Variants in KRT2 observed in about 807,000 individuals in gnomAD.
The protein encoded by KRT2 is keratin, type II cytoskeletal 2 epidermal.
A neutral mutation model predicts 48.5 loss-of-function variants in KRT2; 37 were observed. The observed-to-expected ratio is 0.76, with a 90% CI of 0.59 to 1.00. The LOEUF (loss-of-function observed/expected upper bound fraction) is 1.00. Among genes scored for constraint, KRT2 ranks in the 50% least tolerant of loss-of-function variants. The pLI is 0.00. For missense variants in KRT2, 880 were observed against 815.2 expected (o/e 1.08, Z -0.97); for synonymous variants, 324 against 312.2 (o/e 1.04, Z -0.40).
In KRT2 at chr12:52,646,804, C is replaced by A. The variant is rs200777244; in HGVS notation, c.1405G>T (p.Val469Leu). ...ATCTCCACATCTAGGGCCAGCTTCA[C>A]GTTCATCAGCTCCTGGTAGTCACGC... ...LLRDYQELMN[V>L]KLALDVEIAT... The change falls in exon 7 of 9, where the codon GTG becomes TTG. Residue 469 changes from valine to leucine, a missense_variant. Transcript: ENST00000309680. 45 of 1,614,162 alleles carry A rather than the reference C, an allele frequency of 2.8e-5. No individual in the cohort carries two copies. The East Asian group carries it at 9.1e-4, about 33-fold the overall frequency.
intron 4 of KRT2, among the ~76,000 whole-genome samples, chr12:52,648,625 C>G (rs1434716501): frequency 6.6e-6 from 1 of 152,168 alleles, no homozygotes; most frequent in Non-Finnish European, 1.5e-5. Context: ...CTTAAATGGA[C>G]TTCCTGTTTC....
chr12:52,650,215 A>G, intron 2 of KRT2, 124 bp downstream of exon 2: 1 of 893,248 alleles, frequency 1.1e-6, no homozygotes, highest in Non-Finnish European at 1.9e-6. Context: ...TAATCAACAA[A>G]GATACATATG....
rs778051806 is a variant in KRT2 at position 52,652,114 on chromosome 12, C to T, written c.29G>A (p.Arg10Gln). The stretch of plus-strand genomic sequence containing the variant: ...TCCTCCTCCACCTCCTCCTCTTCCT[C>T]GAGATTTGCAAGAGATCTGACAACT... MSCQISCKSRGRGGGGGGFR... is the reference protein window; with the variant it reads MSCQISCKSQGRGGGGGGFR... Residue 10 changes from arginine to glutamine, a missense_variant, in exon 1 of 9, where the codon CGA becomes CAA. By Grantham distance (43) the Arg-to-Gln change is conservative (BLOSUM62 1). Transcript: ENST00000309680. The T allele has an allele frequency of 3.2e-6, 5 of 1,564,418 alleles. No homozygotes were observed. The highest frequency in any genetic ancestry group is 2.3e-5 in the South Asian group (2 of 86,668).
chr12:52,645,430 C>T lies in KRT2; in HGVS notation c.1509G>A (p.Val503=), dbSNP rs751821115. 9 of 1,614,196 alleles carry T rather than the reference C, an allele frequency of 5.6e-6. No individual in the cohort carries two copies. The Admixed American group carries it at 1.5e-4, about 27-fold the overall frequency. Residue 503 remains valine, a synonymous_variant, in exon 9 of 9, where the codon GTG becomes GTA. Coordinates refer to ENST00000309680, the MANE Select transcript of KRT2 (RefSeq NM_000423.3). ...GDLSSNVTVS[V]TSSTISSNVA... ...CATTTGATGAAATGGTGCTGCTTGT[C>T]ACAGCTGCAGAGAGAGGTGGTGTTA...
rs751918626 is a variant in KRT2 at position 52,649,907 on chromosome 12, C to T, written c.861+7G>A. ...CCCACCCCCAGCCAAGACATTCTCT[C>T]GCTCACCTTTTTAAGCGTCACAAAA... On this transcript the variant is annotated splice_region_variant and intron_variant, in intron 3 of 8. Coordinates refer to ENST00000309680, the MANE Select transcript of KRT2 (RefSeq NM_000423.3). 21 of 1,611,270 alleles carry T rather than the reference C, an allele frequency of 1.3e-5. No individual in the cohort carries two copies. The highest frequency in any genetic ancestry group is 3.3e-4 in the Middle Eastern group (2 of 6,078).
intron 1 of KRT2, chr12:52,650,777 C>G (rs112988962): frequency 6.3e-5 from 37 of 590,538 alleles, no homozygotes; most frequent in African/African-American, 4.8e-4. Flanking sequence ...AGAGGAGACT[C>G]TTTGCTGCTT....
rs566354092 is a variant in KRT2, at chr12:52,645,577, G to T, written c.1470-8C>A. 3.8e-5 allele frequency: 61 copies of T among 1,613,888 alleles called. No homozygotes were observed. The highest frequency in any genetic ancestry group is 5.0e-5 in the Non-Finnish European group (59 of 1,179,934). Reference sequence around the variant, plus strand: ...CTGAGGTCTCCAGACATCCTGTAAGGGAGAGAGAAAAAACAAGTTGTGGTG... The same window carrying T: ...CTGAGGTCTCCAGACATCCTGTAAGTGAGAGAGAAAAAACAAGTTGTGGTG... On this transcript the variant is annotated splice_region_variant and splice_polypyrimidine_tract_variant and intron_variant, in intron 7 of 8. Transcript: ENST00000309680.
chr12:52,651,712 C>T lies in KRT2; in HGVS notation c.431G>A (p.Gly144Glu). The change falls in exon 1 of 9, where the codon GGA becomes GAA. Residue 144 changes from glycine to glutamate, a missense_variant. Physicochemically the swap from Gly to Glu is moderately conservative, Grantham distance 98. Coordinates refer to ENST00000309680, the MANE Select transcript of KRT2 (RefSeq NM_000423.3). ...TTCGTGGATGCCACCAGGGTATCCT[C>T]CAGGCCCAAAGCCACCAGGACCCCC... ...GLGGPGGFGP[G>E]GYPGGIHEVS... 6.2e-7 allele frequency: 1 copy of T among 1,614,104 alleles called. No homozygotes were observed. The highest frequency in any genetic ancestry group is 8.5e-7 in the Non-Finnish European group (1 of 1,180,010).
At position 52,645,582 on chromosome 12, in the gene KRT2, G is replaced by C; in HGVS notation, c.1470-13C>G. On this transcript the variant is annotated splice_polypyrimidine_tract_variant and intron_variant, in intron 7 of 8. Coordinates refer to ENST00000309680, the MANE Select transcript of KRT2 (RefSeq NM_000423.3). ...GTCTCCAGACATCCTGTAAGGGAGA[G>C]AGAAAAAACAAGTTGTGGTGGAACA... The C allele has an allele frequency of 2.5e-6, 4 of 1,613,898 alleles. No individual in the cohort carries two copies. The highest frequency in any genetic ancestry group is 3.4e-6 in the Non-Finnish European group (4 of 1,179,794).
rs1025904890 is a variant in KRT2 at position 52,652,208 on chromosome 12, T to C, written c.-66A>G. 12 of 1,244,820 alleles carry C rather than the reference T, an allele frequency of 9.6e-6. No homozygotes were observed. The African/African-American group carries it at 1.8e-4, about 18-fold the overall frequency. The allele number at this position is 1,244,820 out of a possible 1,614,324, so 77.1% of individuals were successfully genotyped here. ...AGAGTCAAGGCTGGAGACTCAACTG[T>C]GCTGCTGGGAGGCTTTCAGGGTCCC... On this transcript the variant is annotated 5_prime_UTR_variant, in exon 1 of 9. Transcript: ENST00000309680.
Position 52,649,844 on chromosome 12 carries a change from G to A in KRT2, c.861+70C>T, listed in dbSNP as rs1592256782. 2.5e-6 allele frequency: 3 copies of A among 1,183,756 alleles called. No individual in the cohort carries two copies. In the South Asian group the frequency reaches 3.6e-5, roughly 14 times the overall value. 73.3% of individuals were successfully genotyped at this position (1,183,756 alleles called of 1,614,324 possible). ...GCACTCACAGTTGATTTCCAAACTG[G>A]CTGCTTAGACACAATGGGGCTGTGA... On this transcript the variant is annotated intron_variant, in intron 3 of 8. Transcript: ENST00000309680.
rs1941147177 is a variant in KRT2, at chr12:52,645,290, C to G, written c.1649G>C (p.Gly550Ala). 2 of 1,614,084 alleles carry G rather than the reference C, an allele frequency of 1.2e-6. No homozygotes were observed. Among genetic ancestry groups the G allele is most frequent in the Admixed American group, 3.3e-5 (2 of 60,012 alleles). The change falls in exon 9 of 9, where the codon GGC becomes GCC. Residue 550 changes from glycine (G) to alanine (A), a missense_variant. Transcript: ENST00000309680. ...GATAGAACCTCCTCCTCCACTACCGCCTCTGGAGCCAGACTGTCGGCCTCC... is the reference window on the plus strand; with the variant it reads ...GATAGAACCTCCTCCTCCACTACCGGCTCTGGAGCCAGACTGTCGGCCTCC... ...GSGGRQSGSRGGSGGGGSISG... is the reference protein window; with the variant it reads ...GSGGRQSGSRAGSGGGGSISG...
chr12:52,645,011 G>A lies in KRT2; in HGVS notation c.*8C>T, dbSNP rs747557724. The A allele has an allele frequency of 9.9e-6, 16 of 1,614,024 alleles. No individual in the cohort carries two copies. The highest frequency in any genetic ancestry group is 1.7e-4 in the Middle Eastern group (1 of 6,052). ...GTTGGGAGAGTCGGTGGTGGTGGGGGCTCATCTTTATCTAAAAGAGAAGGT... is the reference window on the plus strand; with the variant it reads ...GTTGGGAGAGTCGGTGGTGGTGGGGACTCATCTTTATCTAAAAGAGAAGGT... On this transcript the variant is annotated 3_prime_UTR_variant, in exon 9 of 9. Coordinates refer to ENST00000309680, the MANE Select transcript of KRT2 (RefSeq NM_000423.3).
At chr12:52,649,205 T>A in intron 3 of KRT2, 103 bp from the exon 4 acceptor site, 3 of 776,794 alleles carry the variant, frequency 3.9e-6, no homozygotes, top group Non-Finnish European at 7.0e-6. Flanking sequence ...CTCTCTAAAA[T>A]CCCAGGCTCC....
chr12:52,650,634 GGTGCT>G lies in KRT2; in HGVS notation c.586-86_586-82del. ...AGCCACGCTGGCCAGGGGCAGCTCA[GGTGCT>G]GCTTCAGGACCTCGAGAAGTGTCTG... On this transcript the variant is annotated intron_variant, in intron 1 of 8. Transcript: ENST00000309680. 4 of 1,176,228 alleles carry G rather than the reference GGTGCT, an allele frequency of 3.4e-6. No individual in the cohort carries two copies. In the South Asian group the frequency reaches 4.9e-5, roughly 14 times the overall value. 72.9% of individuals were successfully genotyped at this position (1,176,228 alleles called of 1,614,324 possible).
intron 7 of KRT2, among the ~76,000 whole-genome samples, chr12:52,646,090 C>A (rs1348790751): frequency 6.6e-6 from 1 of 152,228 alleles, no homozygotes; most frequent in Non-Finnish European, 1.5e-5. Context: ...AGGGACAGAG[C>A]AACCTCCTGA....
In KRT2 at chr12:52,646,915, C is replaced by T. The variant is rs1366236791; in HGVS notation, c.1294G>A (p.Glu432Lys). The T allele has an allele frequency of 1.9e-6, 3 of 1,614,174 alleles. No homozygotes were observed. Among genetic ancestry groups the T allele is most frequent in the Non-Finnish European group, 8.5e-7 (1 of 1,180,020 alleles). ...DAIADAEQRG[E>K]HALKDARNKL... ...TTCCTGGCATCCTTGAGGGCATGCT[C>T]CCCACGCTGCTCGGCATCTGCGATG... Residue 432 changes from glutamate (E) to lysine (K), a missense_variant, in exon 7 of 9, where the codon GAG (glutamate) becomes AAG (lysine). Physicochemically the swap from Glu to Lys is moderately conservative, Grantham distance 56. Transcript: ENST00000309680.
In KRT2 at chr12:52,651,599, T is replaced by A; in HGVS notation, c.544A>T (p.Ile182Phe). 1 of 1,614,174 alleles carries A rather than the reference T, an allele frequency of 6.2e-7. No individual in the cohort carries two copies. Among genetic ancestry groups the A allele is most frequent in the East Asian group, 2.2e-5 (1 of 44,868 alleles). The part of the protein sequence containing the change: ...QNVKAQEREQ[I>F]KTLNNKFASF... ...GCAAATTTGTTGTTGAGAGTTTTGA[T>A]CTGCTCACGCTCTTGGGCCTTCACA... Residue 182 changes from isoleucine to phenylalanine, a missense_variant, in exon 1 of 9, where the codon ATC (isoleucine) becomes TTC (phenylalanine). Coordinates refer to ENST00000309680, the MANE Select transcript of KRT2 (RefSeq NM_000423.3).
chr12:52,649,536 A>T (rs1437271688), intron 3 of KRT2, among the ~76,000 whole-genome samples: 2 of 152,190 alleles, frequency 1.3e-5, no homozygotes, highest in African/African-American at 4.8e-5. Flanking sequence ...TTTGGCCTAC[A>T]ACCTCAAACC....
Sources: allele counts gnomAD v4.1 joint callset (sites outside exome capture counted in the v4.1 genomes callset), GRCh38; gene constraint gnomAD v4.1.1; transcripts MANE v1.5; gene names NCBI Gene and HGNC (gene_info 2026-07-23, HGNC 2026-07-21).